The following ZDHHC14 variants were observed in gnomAD, a reference collection of about 807,000 sequenced individuals.
The protein encoded by ZDHHC14 is zDHHC palmitoyltransferase 14.
In ZDHHC14, 16 loss-of-function variants were observed where a neutral mutation model predicts 47.7. The ratio of observed to expected loss-of-function variants is 0.34; its 90% confidence interval spans 0.23 to 0.51. The LOEUF (loss-of-function observed/expected upper bound fraction) is 0.51, where lower values mean the gene tolerates loss of function less well. Ranked by LOEUF, ZDHHC14 falls within the 20% of genes least tolerant of loss-of-function variation. ZDHHC14 has a pLI of 0.97. For synonymous variants in ZDHHC14, 293 were observed against 278.9 expected, an observed-to-expected ratio of 1.05 and a Z score of -0.50; for missense variants, 515 against 662.5, an observed-to-expected ratio of 0.78 and a Z score of 2.44.
chr6:157,632,799 T>C, intron 4 of ZDHHC14, 35 bp from the exon 5 acceptor site: 1 of 1,608,344 alleles, frequency 6.2e-7, no homozygotes, highest in Non-Finnish European at 8.5e-7. Context: ...AGGCTGTTTC[T>C]ATCTGAATAC....
intron 1 of ZDHHC14, among the ~76,000 whole-genome samples, chr6:157,501,333 T>G (rs562730932): frequency 6.6e-6 from 1 of 152,300 alleles, no homozygotes; most frequent in Admixed American, 6.5e-5. Flanking sequence ...TTGTTTAGGG[T>G]GCTTTTGTAA....
chr6:157,430,676 C>T (rs1337817987), intron 1 of ZDHHC14, among the ~76,000 whole-genome samples: 1 of 152,216 alleles, frequency 6.6e-6, no homozygotes, highest in Non-Finnish European at 1.5e-5. Context: ...GTCTTGCTTC[C>T]GTCTGCAACG....
intron 3 of ZDHHC14, among the ~76,000 whole-genome samples, chr6:157,616,194 A>G (rs1277485375): frequency 2.0e-5 from 3 of 152,224 alleles, no homozygotes; most frequent in African/African-American, 7.2e-5. Flanking sequence ...AGAGGGGACA[A>G]GAGCCGGCAC....
intron 1 of ZDHHC14, among the ~76,000 whole-genome samples, chr6:157,413,704 T>C (rs1777915814): frequency 6.6e-6 from 1 of 152,056 alleles, no homozygotes; most frequent in African/African-American, 2.4e-5. Context: ...TTTTTCCGTC[T>C]AAAGCCTGTC....
chr6:157,628,616 C>A, intron 4 of ZDHHC14, 130 bp downstream of exon 4: 1 of 1,246,296 alleles, frequency 8.0e-7, no homozygotes, highest in Non-Finnish European at 1.1e-6. Flanking sequence ...CTTTCCCCTC[C>A]TCACTTCCAG....
At position 157,511,008 on chromosome 6, in the gene ZDHHC14, G is replaced by C. The variant is rs552547628; in HGVS notation, c.246-31577G>C. On this transcript the variant is annotated intron_variant, in intron 1 of 8. Coordinates refer to ENST00000359775, the MANE Select transcript of ZDHHC14 (RefSeq NM_024630.3). ...TTTGTGGCTTAGAAATCAAATCATG[G>C]AAAGCAACTGTCTCCAACTCCACCC... Among the ~76,000 whole-genome samples, 3 of 152,316 alleles carry C rather than the reference G, an allele frequency of 2.0e-5. No individual in the cohort carries two copies. In the East Asian group the frequency reaches 5.8e-4, roughly 29 times the overall value.
intron 6 of ZDHHC14, among the ~76,000 whole-genome samples, 194 bp downstream of exon 6, chr6:157,646,033 TTC>T (rs1777537755): frequency 1.3e-5 from 2 of 152,200 alleles, no homozygotes; most frequent in East Asian, 3.9e-4. Context: ...AATCTCCACG[TTC>T]TCTGTTTTTC....
chr6:157,672,779 C>T lies in ZDHHC14; in HGVS notation c.1124C>T (p.Thr375Met), dbSNP rs370693708. 34 of 1,612,732 alleles carry T rather than the reference C, an allele frequency of 2.1e-5. No individual in the cohort carries two copies. The highest frequency in any genetic ancestry group is 2.6e-5 in the Non-Finnish European group (31 of 1,179,878). Residue 375 changes from threonine to methionine, a missense_variant, in exon 9 of 9, where the codon ACG (threonine) becomes ATG (methionine). Thr to Met is a moderately conservative substitution (Grantham distance 81). Around this residue, in one of 4 missense-constraint regions of ZDHHC14, gnomAD observed 221 missense variants for 233.6 expected, o/e 0.95. Coordinates refer to ENST00000359775, the MANE Select transcript of ZDHHC14 (RefSeq NM_024630.3). ...AAATTCGTTTTGCAGGCTGCAGCCACGCCCCTGCTGCAGAGCGAGCCCAGC... is the reference window on the plus strand; with the variant it reads ...AAATTCGTTTTGCAGGCTGCAGCCATGCCCCTGCTGCAGAGCGAGCCCAGC... The part of the protein sequence containing the change: ...STKFVLQAAA[T>M]PLLQSEPSLT...
intron 1 of ZDHHC14, among the ~76,000 whole-genome samples, chr6:157,468,900 A>G (rs867938162): frequency 1.3e-5 from 2 of 152,334 alleles, no homozygotes; most frequent in Non-Finnish European, 1.5e-5. Context: ...AGATCATTTA[A>G]CTGGTGAATG....
At chr6:157,519,201 G>T (rs569601165) in intron 1 of ZDHHC14, among the ~76,000 whole-genome samples, 1 of 152,186 alleles carries the variant, frequency 6.6e-6, no homozygotes, top group African/African-American at 2.4e-5. Context: ...TGTTTTTTAC[G>T]TATTTTCCAA....
intron 8 of ZDHHC14, among the ~76,000 whole-genome samples, chr6:157,659,641 TA>T (rs201655732): frequency 0.019 from 2,954 of 152,262 alleles, 48 homozygotes; most frequent in Non-Finnish European, 0.03. Context: ...CCCGAAGCCC[TA>T]ACGGTTTTCC....
intron 3 of ZDHHC14, among the ~76,000 whole-genome samples, chr6:157,617,291 G>A (rs1039273176): frequency 6.6e-6 from 1 of 152,146 alleles, no homozygotes; most frequent in Non-Finnish European, 1.5e-5. Flanking sequence ...GATATATATG[G>A]CCTTATATCT....
At chr6:157,645,681 C>G in intron 5 of ZDHHC14, 56 bp from the exon 6 acceptor site, 1 of 1,449,546 alleles carries the variant, frequency 6.9e-7, no homozygotes, top group Non-Finnish European at 9.6e-7. Flanking sequence ...AGGCCTCCAT[C>G]ACATCCACTT....
intron 1 of ZDHHC14, among the ~76,000 whole-genome samples, chr6:157,532,381 G>T (rs925813536): frequency 6.6e-6 from 1 of 152,216 alleles, no homozygotes; most frequent in Non-Finnish European, 1.5e-5. Flanking sequence ...CATGAACATT[G>T]CCGGTGTTGA....
intron 2 of ZDHHC14, among the ~76,000 whole-genome samples, chr6:157,581,223 G>A (rs886736427): frequency 5.3e-5 from 8 of 150,984 alleles, no homozygotes; most frequent in South Asian, 2.1e-4. Flanking sequence ...CAATGTAATC[G>A]TATCGTTTTG....
intron 1 of ZDHHC14, among the ~76,000 whole-genome samples, chr6:157,401,154 C>T (rs1362689317): frequency 1.3e-5 from 2 of 152,154 alleles, no homozygotes; most frequent in African/African-American, 4.8e-5. Flanking sequence ...CCACAAGAAG[C>T]ACTGATGTAA....
At chr6:157,526,842 C>T (rs950359515) in intron 1 of ZDHHC14, among the ~76,000 whole-genome samples, 2 of 152,160 alleles carry the variant, frequency 1.3e-5, no homozygotes, top group South Asian at 2.1e-4. Context: ...ATTCACCAAC[C>T]GCTGGACCAG....
At chr6:157,624,606 G>A (rs1785328670) in intron 3 of ZDHHC14, among the ~76,000 whole-genome samples, 1 of 152,216 alleles carries the variant, frequency 6.6e-6, no homozygotes, top group Non-Finnish European at 1.5e-5. Flanking sequence ...AGTAAAGGCA[G>A]TGTAGCATTT....
chr6:157,671,599 G>A (rs1156564375), intron 8 of ZDHHC14, among the ~76,000 whole-genome samples: 2 of 152,188 alleles, frequency 1.3e-5, no homozygotes, highest in African/African-American at 4.8e-5. Context: ...GAGCTATCAG[G>A]GGTGCCTGTC....
Sources: gnomAD v4.1 joint callset for allele counts (sites outside exome capture counted in the v4.1 genomes callset) on GRCh38, gnomAD v4.1.1 for gene constraint, gnomAD v4.1.1 regional missense constraint, MANE v1.5 for transcripts, NCBI Gene and HGNC (gene_info 2026-07-23, HGNC 2026-07-21) for gene names.